The following PDE10A variants were observed in gnomAD, a reference collection of about 807,000 sequenced individuals.
PDE10A encodes phosphodiesterase 10A, also known as cAMP and cAMP-inhibited cGMP 3',5'-cyclic phosphodiesterase 10A.
PDE10A carries 39 observed loss-of-function variants against 97.7 expected under a neutral mutation model. The observed-to-expected ratio is 0.40, with a 90% confidence interval of 0.31 to 0.52. The LOEUF (loss-of-function observed/expected upper bound fraction) is 0.52. PDE10A is among the 20% of genes least tolerant of loss of function. The pLI is 0.56. For missense variants in PDE10A, 731 were observed against 1,047.8 expected, an observed-to-expected ratio of 0.70 and a Z score of 4.17; for synonymous variants, 371 against 376.8, an observed-to-expected ratio of 0.98 and a Z score of 0.18.
chr6:165,668,431 T>A (rs887412948), intron 1 of PDE10A, among the ~76,000 whole-genome samples: 17 of 152,234 alleles, frequency 1.1e-4, no homozygotes, highest in Non-Finnish European at 2.9e-5. Flanking sequence ...GTATTGTTCA[T>A]GTTGCTTGAA....
At chr6:165,917,714 C>A (rs1049214441) in intron 1 of PDE10A, among the ~76,000 whole-genome samples, 17 of 152,252 alleles carry the variant, frequency 1.1e-4, no homozygotes, top group African/African-American at 3.9e-4. Flanking sequence ...AGTGATGAGT[C>A]CGGACCCGGG....
chr6:165,435,134 T>C, intron 6 of PDE10A, 103 bp downstream of exon 6: 1 of 1,110,454 alleles, frequency 9.0e-7, no homozygotes, highest in African/African-American at 1.6e-5. Context: ...TTAATGCTTT[T>C]TAAAATGAAA....
At chr6:165,754,077 C>T (rs78981988) in intron 1 of PDE10A, 4 of 152,284 alleles carry the variant, frequency 2.6e-5, no homozygotes, top group African/African-American at 9.6e-5. Context: ...AAAGAGAAAA[C>T]AAGCCACAAG....
At chr6:165,555,701 C>G (rs1264047858) in intron 1 of PDE10A, among the ~76,000 whole-genome samples, 3 of 152,008 alleles carry the variant, frequency 2.0e-5, no homozygotes, top group African/African-American at 7.3e-5. Context: ...GTATCAAATC[C>G]AGAAATTGTC....
chr6:165,599,463 C>T (rs952474744), intron 1 of PDE10A, among the ~76,000 whole-genome samples: 7 of 152,166 alleles, frequency 4.6e-5, no homozygotes, highest in Admixed American at 3.3e-4. Flanking sequence ...CATTTTCTCA[C>T]CAGTCTCTCT....
chr6:165,350,745 C>T (rs748796549), intron 18 of PDE10A, among the ~76,000 whole-genome samples: 39 of 152,256 alleles, frequency 2.6e-4, no homozygotes, highest in Non-Finnish European at 4.6e-4. Context: ...CCCCAATCCT[C>T]TTCTCATGAT....
chr6:165,648,222 C>G (rs551095875), intron 1 of PDE10A, among the ~76,000 whole-genome samples: 78 of 152,050 alleles, frequency 5.1e-4, no homozygotes, highest in Non-Finnish European at 1.0e-3. Flanking sequence ...CCATATTAGC[C>G]AGGATGGTCT....
At chr6:165,428,590 T>C in intron 10 of PDE10A, 68 bp downstream of exon 10, 1 of 687,852 alleles carries the variant, frequency 1.5e-6, no homozygotes, top group Non-Finnish European at 2.6e-6. Flanking sequence ...GTTTAAATGT[T>C]ATGCCATATA....
chr6:165,831,765 G>A (rs1779925436), intron 1 of PDE10A, among the ~76,000 whole-genome samples: 2 of 152,102 alleles, frequency 1.3e-5, no homozygotes, highest in African/African-American at 4.8e-5. Context: ...GATTACAGGT[G>A]TGAGCCACTG....
chr6:165,871,198 C>A (rs2128478504), intron 1 of PDE10A, among the ~76,000 whole-genome samples: 1 of 152,220 alleles, frequency 6.6e-6, no homozygotes, highest in Non-Finnish European at 1.5e-5. Context: ...AAAATCACAT[C>A]TACCCCATAA....
At chr6:165,365,403 A>G (rs1441303788) in intron 18 of PDE10A, among the ~76,000 whole-genome samples, 1 of 152,210 alleles carries the variant, frequency 6.6e-6, no homozygotes, top group Admixed American at 6.5e-5. Flanking sequence ...TTTTCATTTA[A>G]AAAGGTGACA....
chr6:165,794,112 G>A (rs1778742388), intron 1 of PDE10A, among the ~76,000 whole-genome samples: 1 of 32,560 alleles, frequency 3.1e-5, no homozygotes, highest in South Asian at 1.6e-3. Flanking sequence ...GTTCTACGCA[G>A]GCATACACAC....
chr6:165,396,777 C>T (rs1786201239), intron 13 of PDE10A, among the ~76,000 whole-genome samples: 1 of 152,250 alleles, frequency 6.6e-6, no homozygotes, highest in African/African-American at 2.4e-5. Flanking sequence ...AAATTAAACA[C>T]ATTTTATTAT....
chr6:165,496,308 G>T (rs1780534608), intron 2 of PDE10A, among the ~76,000 whole-genome samples: 2 of 152,096 alleles, frequency 1.3e-5, no homozygotes, highest in East Asian at 1.9e-4. Flanking sequence ...TCTTTTCTCA[G>T]AACTTTTCTA....
chr6:165,646,689 C>T (rs919822559), intron 1 of PDE10A, among the ~76,000 whole-genome samples: 3 of 152,158 alleles, frequency 2.0e-5, no homozygotes, highest in Admixed American at 2.0e-4. Flanking sequence ...ACAGCGGCAT[C>T]GCCACCCACC....
chr6:165,545,202 G>A (rs775830108), intron 1 of PDE10A: 3 of 503,234 alleles, frequency 6.0e-6, no homozygotes, highest in African/African-American at 3.9e-5. Context: ...CTTTCTAACT[G>A]CTCTTGAATT....
intron 18 of PDE10A, among the ~76,000 whole-genome samples, chr6:165,364,965 C>CAATGCCTAT (rs1783674087): frequency 6.6e-6 from 1 of 151,852 alleles, no homozygotes; most frequent in Non-Finnish European, 1.5e-5. Context: ...ATGCCCAGAT[C>CAATGCCTAT]ATAATACATA....
At chr6:165,874,990 G>A (rs914041269) in intron 1 of PDE10A, among the ~76,000 whole-genome samples, 3 of 152,126 alleles carry the variant, frequency 2.0e-5, no homozygotes, top group Non-Finnish European at 2.9e-5. Context: ...CCTAGAGAGG[G>A]ACAGAAAATG....
rs1234768954 is a variant in PDE10A at position 165,655,127 on chromosome 6, C to T, written c.865+6820G>A. On this transcript the variant is annotated intron_variant, in intron 1 of 21. Transcript: ENST00000539869. The surrounding 1 kb of genome is among the most constrained non-coding windows in gnomAD (Gnocchi z 4.5). Reference sequence around the variant, plus strand: ...CTTCAGCCAGGCACTTACATTGCACCCAGCTATGGTTGATTAACCAACTCC... The same window carrying T: ...CTTCAGCCAGGCACTTACATTGCACTCAGCTATGGTTGATTAACCAACTCC... 6.6e-6 allele frequency among the ~76,000 whole-genome samples: 1 copy of T among 152,154 alleles called. No homozygotes were observed. Among genetic ancestry groups the T allele is most frequent in the Non-Finnish European group, 1.5e-5 (1 of 68,024 alleles).
Sources: allele counts gnomAD v4.1 joint callset (sites outside exome capture counted in the v4.1 genomes callset), GRCh38; gene constraint gnomAD v4.1.1; non-coding constraint Gnocchi (gnomAD v3.1); transcripts MANE v1.5; gene names NCBI Gene and HGNC (gene_info 2026-07-23, HGNC 2026-07-21).